Variants in CFAP20DC observed in about 807,000 individuals in gnomAD.
CFAP20DC encodes protein CFAP20DC.
In CFAP20DC, 84 loss-of-function variants were observed where a neutral mutation model predicts 101.7. The ratio of observed to expected loss-of-function variants is 0.83; its 90% CI spans 0.69 to 0.99. CFAP20DC has a LOEUF of 0.99. CFAP20DC is among the 50% of genes least tolerant of loss of function. CFAP20DC has a pLI of 0.00. For missense variants in CFAP20DC, 1,007 were observed against 970.3 expected, an observed-to-expected ratio of 1.04 and a Z score of -0.50; for synonymous variants, 359 against 351.2, an observed-to-expected ratio of 1.02 and a Z score of -0.25.
chr3:59,035,353 T>C (rs887408710), intron 4 of CFAP20DC, among the ~76,000 whole-genome samples: 9 of 152,010 alleles, frequency 5.9e-5, no homozygotes, highest in Non-Finnish European at 1.2e-4. Flanking sequence ...AGAGCAGAAC[T>C]GAAGGAGATA....
intron 13 of CFAP20DC, among the ~76,000 whole-genome samples, chr3:58,840,397 T>A (rs950780504): frequency 2.0e-5 from 3 of 152,176 alleles, no homozygotes; most frequent in African/African-American, 7.2e-5. Context: ...AAGCTACACA[T>A]CTGCAATTTA....
intron 7 of CFAP20DC, among the ~76,000 whole-genome samples, chr3:58,878,110 C>G (rs1055254844): frequency 6.6e-6 from 1 of 152,140 alleles, no homozygotes; most frequent in South Asian, 2.1e-4. Flanking sequence ...TTTCTTAGAC[C>G]TGTTGGAGGA....
chr3:58,867,693 A>T, intron 10 of CFAP20DC, 124 bp downstream of exon 10: 1 of 1,184,028 alleles, frequency 8.4e-7, no homozygotes, highest in Non-Finnish European at 1.2e-6. Flanking sequence ...TAATCCTTGT[A>T]GAACAGACAT....
At chr3:58,965,242 G>A (rs2091441830) in intron 4 of CFAP20DC, among the ~76,000 whole-genome samples, 1 of 151,938 alleles carries the variant, frequency 6.6e-6, no homozygotes, top group Non-Finnish European at 1.5e-5. Context: ...GGTGGGAATG[G>A]GTTTCAAACC....
intron 3 of CFAP20DC, among the ~76,000 whole-genome samples, chr3:59,045,601 T>C (rs1043844951): frequency 6.6e-6 from 1 of 152,100 alleles, no homozygotes; most frequent in Non-Finnish European, 1.5e-5. Context: ...TCAGGGTTTC[T>C]TCTGCTTTGA....
chr3:58,886,394 A>G (rs1291032046), intron 6 of CFAP20DC, among the ~76,000 whole-genome samples: 2 of 152,128 alleles, frequency 1.3e-5, no homozygotes, highest in East Asian at 1.9e-4. Context: ...AAACAGATAC[A>G]AAAAACTCTA....
chr3:58,786,866 C>A (rs1339453610), intron 15 of CFAP20DC, among the ~76,000 whole-genome samples: 6 of 151,542 alleles, frequency 4.0e-5, no homozygotes. Context: ...TATAATTGTT[C>A]TATTTTATTA....
chr3:58,962,900 G>A (rs2091256382), intron 4 of CFAP20DC, among the ~76,000 whole-genome samples: 1 of 151,944 alleles, frequency 6.6e-6, no homozygotes, highest in African/African-American at 2.4e-5. Context: ...CTCCTTCCCT[G>A]GAGTGGCTAA....
chr3:58,764,124 C>A (rs544847847), intron 15 of CFAP20DC, among the ~76,000 whole-genome samples: 1 of 152,246 alleles, frequency 6.6e-6, no homozygotes, highest in South Asian at 2.1e-4. Flanking sequence ...CTATGCCCTG[C>A]CCCCCAGAGG....
Position 58,897,387 on chromosome 3 carries a change from C to T in CFAP20DC, c.551-12678G>A, listed in dbSNP as rs182316396. On this transcript the variant is annotated intron_variant, in intron 6 of 16. Coordinates refer to ENST00000482387, the MANE Select transcript of CFAP20DC (RefSeq NM_001394063.1). The surrounding 1 kb of genome is among the most constrained non-coding windows in gnomAD (Gnocchi z 4.4). ...TTTACATCTAAGGTTAGTATTGTTA[C>T]GTGGGAATTTGATCCTGTCAACATG... Among the ~76,000 whole-genome samples the T allele has an allele frequency of 5.2e-4, 79 of 152,238 alleles. No homozygotes were observed. Among genetic ancestry groups the T allele is most frequent in the Non-Finnish European group, 9.1e-4 (62 of 68,010 alleles).
At chr3:58,824,083 A>T (rs2075873671) in intron 14 of CFAP20DC, among the ~76,000 whole-genome samples, 1 of 152,128 alleles carries the variant, frequency 6.6e-6, no homozygotes, top group South Asian at 2.1e-4. Flanking sequence ...TGACTCTAAT[A>T]TCAGTTTTCG....
Position 58,864,211 on chromosome 3 carries a change from C to A in CFAP20DC, c.1259-319G>T, listed in dbSNP as rs547732086. Among the ~76,000 whole-genome samples, 1 of 152,174 alleles carries A rather than the reference C, an allele frequency of 6.6e-6. No homozygotes were observed. Among genetic ancestry groups the A allele is most frequent in the Non-Finnish European group, 1.5e-5 (1 of 68,044 alleles). On this transcript the variant is annotated intron_variant, in intron 11 of 16. Transcript: ENST00000482387. The surrounding 1 kb of genome is among the most constrained non-coding windows in gnomAD (Gnocchi z 4.7). ...TGACTTCATGATCTGCCCGCCTCGG[C>A]CTCCCAAAAAGCTGGGATTACAGGC... is the stretch of plus-strand genomic sequence containing the variant.
chr3:58,930,706 T>C (rs747502981), intron 5 of CFAP20DC, among the ~76,000 whole-genome samples: 1 of 152,256 alleles, frequency 6.6e-6, no homozygotes, highest in Non-Finnish European at 1.5e-5. Context: ...TTTTATGTTG[T>C]ATTTTGGGAA....
intron 12 of CFAP20DC, among the ~76,000 whole-genome samples, chr3:58,851,153 G>A (rs1207694110): frequency 6.6e-6 from 1 of 152,082 alleles, no homozygotes; most frequent in Non-Finnish European, 1.5e-5. Flanking sequence ...TGCCATCCAG[G>A]GACTGTATTC....
At chr3:58,929,324 G>T (rs954565759) in intron 5 of CFAP20DC, among the ~76,000 whole-genome samples, 1 of 152,140 alleles carries the variant, frequency 6.6e-6, no homozygotes, top group Non-Finnish European at 1.5e-5. Context: ...ACTGACAAGG[G>T]TGACTGAACT....
At position 58,831,895 on chromosome 3, in the gene CFAP20DC, C is replaced by T; in HGVS notation, c.1972-6G>A. 3.1e-6 allele frequency: 5 copies of T among 1,612,638 alleles called. No homozygotes were observed. Among genetic ancestry groups the T allele is most frequent in the Non-Finnish European group, 8.5e-7 (1 of 1,178,802 alleles). ...TAGTTTCGCCAGTCATATTCCTGAC[C>T]AAGAGAGAGGAAAATAACAAAGGGT... On this transcript the variant is annotated splice_region_variant and splice_polypyrimidine_tract_variant and intron_variant, in intron 13 of 16. Coordinates refer to ENST00000482387, the MANE Select transcript of CFAP20DC (RefSeq NM_001394063.1).
chr3:58,754,977 C>G (rs1360873351), intron 15 of CFAP20DC, among the ~76,000 whole-genome samples: 1 of 152,108 alleles, frequency 6.6e-6, no homozygotes, highest in Non-Finnish European at 1.5e-5. Context: ...TCTTCATTAT[C>G]AATGAAGATC....
At chr3:58,794,066 A>C (rs893166544) in intron 15 of CFAP20DC, 1 of 214,544 alleles carries the variant, frequency 4.7e-6, no homozygotes, top group African/African-American at 2.3e-5. Context: ...AACAAAGTAC[A>C]TTATCTACAA....
intron 14 of CFAP20DC, among the ~76,000 whole-genome samples, chr3:58,817,989 C>T (rs1172846778): frequency 1.7e-4 from 26 of 150,842 alleles, no homozygotes; most frequent in African/African-American, 5.7e-4. Context: ...CAATATTCAA[C>T]ATTCTTAAAG....
Sources: allele counts gnomAD v4.1 joint callset (sites outside exome capture counted in the v4.1 genomes callset), GRCh38; gene constraint gnomAD v4.1.1; non-coding constraint Gnocchi (gnomAD v3.1); transcripts MANE v1.5; gene names NCBI Gene and HGNC (gene_info 2026-07-23, HGNC 2026-07-21).